CHN2: variants seen among roughly 807,000 people sequenced by gnomAD.
CHN2 encodes the protein chimerin 2, also known as beta-chimaerin.
Under a neutral mutation model 56.3 loss-of-function variants are expected in CHN2, and 35 were observed. The ratio of observed to expected loss-of-function variants is 0.62; its 90% CI spans 0.47 to 0.82. The LOEUF (loss-of-function observed/expected upper bound fraction) is 0.82. CHN2 is among the 40% of genes least tolerant of loss of function. The probability of loss-of-function intolerance (pLI) is 0.00; values close to 1 mark genes in which losing one functional copy is unlikely to be tolerated. For synonymous variants in CHN2, 210 were observed against 212.8 expected, an observed-to-expected ratio of 0.99 and a Z score of 0.12; for missense variants, 491 against 580.5, an observed-to-expected ratio of 0.85 and a Z score of 1.58.
At chr7:29,323,029 C>T (rs1318188514) in intron 1 of CHN2, among the ~76,000 whole-genome samples, 3 of 152,154 alleles carry the variant, frequency 2.0e-5, no homozygotes, top group African/African-American at 7.2e-5. Context: ...TGGCATGCAC[C>T]TGTAGTCTCA....
intron 1 of CHN2, among the ~76,000 whole-genome samples, chr7:29,343,759 C>T (rs1797222263): frequency 6.6e-6 from 1 of 152,020 alleles, no homozygotes; most frequent in South Asian, 2.1e-4. Flanking sequence ...AGCCTTCCCT[C>T]CCCCACTCTC....
At chr7:29,363,949 ATTG>A (rs1293335161) in intron 2 of CHN2, among the ~76,000 whole-genome samples, 2 of 152,042 alleles carry the variant, frequency 1.3e-5, no homozygotes, top group Non-Finnish European at 2.9e-5. Context: ...GGACAAGAGG[ATTG>A]TTTGAACCCA....
intron 1 of CHN2, among the ~76,000 whole-genome samples, chr7:29,319,697 A>G (rs1795203862): frequency 6.6e-6 from 1 of 152,126 alleles, no homozygotes; most frequent in African/African-American, 2.4e-5. Context: ...CCACAAAGCT[A>G]CTTTATTTCC....
intron 1 of CHN2, among the ~76,000 whole-genome samples, chr7:29,272,686 G>A (rs7803896): frequency 0.086 from 13,009 of 152,138 alleles, 886 homozygotes; most frequent in African/African-American, 0.19. Context: ...AAAATATTTT[G>A]TATCAGTCAA....
rs1800409750 is a variant in CHN2, at chr7:29,380,434, A to G, written c.144+12447A>G. 3.9e-5 allele frequency among the ~76,000 whole-genome samples: 6 copies of G among 152,244 alleles called. 1 individual carries two copies. The South Asian group carries it at 1.2e-3, about 32-fold the overall frequency. ...GTCTAAAAAGGCTCCTTAGGGAGCT[A>G]TAATGCAAAAACAGACAAGCCTTGA... On this transcript the variant is annotated intron_variant, in intron 3 of 12. Transcript: ENST00000222792.
chr7:29,424,234 C>T (rs1804624821), intron 6 of CHN2, among the ~76,000 whole-genome samples: 1 of 150,930 alleles, frequency 6.6e-6, no homozygotes, highest in Admixed American at 6.6e-5. Context: ...TCCATGCAAC[C>T]TCCCACATTG....
At chr7:29,476,099 A>C (rs935309064) in intron 6 of CHN2, among the ~76,000 whole-genome samples, 1 of 152,226 alleles carries the variant, frequency 6.6e-6, no homozygotes, top group African/African-American at 2.4e-5. Flanking sequence ...AGGCTCAGTT[A>C]GTTGTGCCTA....
intron 7 of CHN2, chr7:29,483,814 G>A: frequency 1.6e-6 from 2 of 1,223,796 alleles, no homozygotes; most frequent in Non-Finnish European, 2.1e-6. Flanking sequence ...CCCACACTTA[G>A]CACAGTGCTG....
intron 7 of CHN2, among the ~76,000 whole-genome samples, chr7:29,485,182 T>C (rs899750693): frequency 2.0e-5 from 3 of 152,216 alleles, no homozygotes; most frequent in African/African-American, 7.2e-5. Context: ...AGAGTATGTG[T>C]TATACTTTAT....
rs1326445398 is a variant in CHN2 at position 29,393,666 on chromosome 7, C to G, written c.145-13C>G. 6.8e-6 allele frequency: 6 copies of G among 882,166 alleles called. No homozygotes were observed. Among genetic ancestry groups the G allele is most frequent in the Non-Finnish European group, 8.3e-6 (5 of 602,336 alleles). The allele number at this position is 882,166 out of a possible 1,614,324, so 54.6% of individuals were successfully genotyped here. A position where few individuals can be genotyped will look rare whatever the true frequency, so the allele number is the denominator to read the frequency against. On this transcript the variant is annotated splice_polypyrimidine_tract_variant and intron_variant, in intron 3 of 12. Transcript: ENST00000222792. ...TCAAATGCATTATTAATTTTTTTTTCTTTTTAATATAGGTGGAAAACAGAC... is the reference window on the plus strand; with the variant it reads ...TCAAATGCATTATTAATTTTTTTTTGTTTTTAATATAGGTGGAAAACAGAC...
Position 29,417,496 on chromosome 7 carries a change from C to T in CHN2, c.576+16668C>T, listed in dbSNP as rs542268027. On this transcript the variant is annotated intron_variant, in intron 6 of 12. Transcript: ENST00000222792. Reference sequence around the variant, plus strand: ...GACTACAGGCGCCCGCCACCACGCCCGGCTAATTTTTTGTATTTTTAGTAG... The same window carrying T: ...GACTACAGGCGCCCGCCACCACGCCTGGCTAATTTTTTGTATTTTTAGTAG... Among the ~76,000 whole-genome samples the T allele has an allele frequency of 4.6e-5, 7 of 151,974 alleles. No individual in the cohort carries two copies. In the East Asian group the frequency reaches 7.7e-4, roughly 17 times the overall value.
At chr7:29,161,569 C>T (rs1795180917) in intron 2 of CHN2, among the ~76,000 whole-genome samples, 1 of 152,150 alleles carries the variant, frequency 6.6e-6, no homozygotes, top group African/African-American at 2.4e-5. Context: ...CTGGAATGAT[C>T]CCTAACCAAA....
At chr7:29,220,226 T>A (rs563744841) in intron 1 of CHN2, among the ~76,000 whole-genome samples, 1 of 149,226 alleles carries the variant, frequency 6.7e-6, no homozygotes, top group Non-Finnish European at 1.5e-5. Flanking sequence ...GCCAAGATCA[T>A]GCCACTGTAC....
chr7:29,446,419 C>T (rs1784037866), intron 6 of CHN2, among the ~76,000 whole-genome samples: 1 of 152,132 alleles, frequency 6.6e-6, no homozygotes, highest in Non-Finnish European at 1.5e-5. Flanking sequence ...GTATCTATAT[C>T]TCAAAAGTGT....
At chr7:29,314,802 C>A (rs1794842315) in intron 1 of CHN2, among the ~76,000 whole-genome samples, 1 of 151,854 alleles carries the variant, frequency 6.6e-6, no homozygotes. Context: ...AATAATTGAG[C>A]CTTTACTGCT....
chr7:29,241,683 G>A (rs1350166853), intron 1 of CHN2, among the ~76,000 whole-genome samples: 1 of 152,090 alleles, frequency 6.6e-6, no homozygotes, highest in Non-Finnish European at 1.5e-5. Context: ...CTGGGCAGGA[G>A]GGGAGGGAGA....
At chr7:29,216,066 G>T (rs1165121036) in intron 1 of CHN2, among the ~76,000 whole-genome samples, 1 of 152,166 alleles carries the variant, frequency 6.6e-6, no homozygotes, top group Non-Finnish European at 1.5e-5. Context: ...CTATTGTTGG[G>T]AGAGGCTGGA....
chr7:29,344,833 C>T (rs1428522785), intron 1 of CHN2, among the ~76,000 whole-genome samples: 1 of 152,160 alleles, frequency 6.6e-6, no homozygotes, highest in Non-Finnish European at 1.5e-5. Context: ...CTGCCCCTGC[C>T]CCATGCAGCC....
At chr7:29,234,278 A>T (rs1485883269) in intron 1 of CHN2, among the ~76,000 whole-genome samples, 4 of 152,108 alleles carry the variant, frequency 2.6e-5, no homozygotes, top group African/African-American at 9.7e-5. Context: ...AGTGAATGAA[A>T]ATATTAGTTG....
Sources: allele counts gnomAD v4.1 joint callset (sites outside exome capture counted in the v4.1 genomes callset), GRCh38; gene constraint gnomAD v4.1.1; transcripts MANE v1.5; gene names NCBI Gene and HGNC (gene_info 2026-07-23, HGNC 2026-07-21).